Variants in BCL2L14 observed in about 807,000 individuals in gnomAD.
The protein encoded by BCL2L14 is apoptosis facilitator Bcl-2-like protein 14.
A neutral mutation model predicts 35.3 loss-of-function variants in BCL2L14; 27 were observed. The ratio of observed to expected loss-of-function variants is 0.76; its 90% CI spans 0.56 to 1.05. The LOEUF (loss-of-function observed/expected upper bound fraction) is 1.05, where lower values mean the gene tolerates loss of function less well. Among genes scored for constraint, BCL2L14 ranks in the 50% least tolerant of loss-of-function variants. The pLI is 0.00. For missense variants in BCL2L14, 377 were observed against 382.6 expected (o/e 0.99, Z 0.12); for synonymous variants, 139 against 145.9 (o/e 0.95, Z 0.34).
chr12:12,087,385 A>G lies in BCL2L14; in HGVS notation c.606A>G (p.Lys202=). Reference sequence around the variant, plus strand: ...TGCCTGTAGCTTCAAGTTCTAAGAAAGGTAAGCTTTCCTTCCCTGGGTGGA... The same window carrying G: ...TGCCTGTAGCTTCAAGTTCTAAGAAGGGTAAGCTTTCCTTCCCTGGGTGGA... ...GHVPVASSSK[K]DEEEQILAKI... The change falls in exon 3 of 6, where the codon AAA becomes AAG. Residue 202 remains lysine (K), a splice_region_variant and synonymous_variant. Transcript: ENST00000308721. 6.2e-7 allele frequency: 1 copy of G among 1,613,920 alleles called. No homozygotes were observed. The highest frequency in any genetic ancestry group is 8.5e-7 in the Non-Finnish European group (1 of 1,179,922).
intron 2 of BCL2L14, among the ~76,000 whole-genome samples, chr12:12,052,116 G>A (rs563821797): frequency 6.6e-6 from 1 of 152,078 alleles, no homozygotes; most frequent in South Asian, 2.1e-4. Flanking sequence ...TCATTAACAA[G>A]TAGTAATAAT....
chr12:12,073,721 T>G (rs1337354200), intron 1 of BCL2L14, among the ~76,000 whole-genome samples: 2 of 152,150 alleles, frequency 1.3e-5, no homozygotes, highest in African/African-American at 4.8e-5. Flanking sequence ...GCGCACAGCC[T>G]CCTACCCAAG....
chr12:12,070,839 T>C (rs565856635), upstream of BCL2L14: 11 of 152,256 alleles, frequency 7.2e-5, no homozygotes, highest in East Asian at 2.1e-3. Flanking sequence ...GGATATAGAA[T>C]TCCTTTTAGA....
Position 12,087,227 on chromosome 12 carries a change from G to T in BCL2L14, c.448G>T (p.Val150Phe). Residue 150 changes from valine (V) to phenylalanine (F), a missense_variant, in exon 3 of 6, where the codon GTC becomes TTC. By Grantham distance (50) the Val-to-Phe change is conservative (BLOSUM62 -1). Transcript: ENST00000308721. ...TCTTGTTTCAGCTGTGGACCCCAAAGTCATTTCCATTGCCAACCGAGTAGC... is the reference window on the plus strand; with the variant it reads ...TCTTGTTTCAGCTGTGGACCCCAAATTCATTTCCATTGCCAACCGAGTAGC... ...CLEHEAVDPK[V>F]ISIANRVAEI... is the part of the protein sequence containing the mutation. 6.2e-7 allele frequency: 1 copy of T among 1,614,172 alleles called. No individual in the cohort carries two copies. Among genetic ancestry groups the T allele is most frequent in the African/African-American group, 1.3e-5 (1 of 75,042 alleles).
At chr12:12,070,479 G>A (rs1279576977), upstream of BCL2L14, among the ~76,000 whole-genome samples, 2 of 152,134 alleles carry the variant, frequency 1.3e-5, no homozygotes, top group Non-Finnish European at 2.9e-5. Context: ...GAGGCCAGGA[G>A]TTCGAGACCA....
At chr12:12,070,864 G>A (rs562614012), upstream of BCL2L14, 1 of 152,096 alleles carries the variant, frequency 6.6e-6, no homozygotes, top group African/African-American at 2.4e-5. Flanking sequence ...AATTACACGG[G>A]CAAAGATCAG....
chr12:12,071,312 C>T (rs1320346006), intron 1 of BCL2L14, 175 bp downstream of exon 1: 1 of 152,130 alleles, frequency 6.6e-6, no homozygotes, highest in South Asian at 2.1e-4. Flanking sequence ...TCTAGTTTAG[C>T]GGGGTTTCCA....
intron 1 of BCL2L14, among the ~76,000 whole-genome samples, chr12:12,074,255 TGA>T (rs1213189419): frequency 2.0e-5 from 3 of 152,156 alleles, no homozygotes; most frequent in African/African-American, 7.2e-5. Context: ...ATCAGATATT[TGA>T]GCACCTACCA....
intron 2 of BCL2L14, among the ~76,000 whole-genome samples, chr12:12,062,647 AC>A (rs1288297916): frequency 6.6e-6 from 1 of 151,016 alleles, no homozygotes; most frequent in Non-Finnish European, 1.5e-5. Context: ...TAACTAAAAT[AC>A]CTCTTAGTCT....
intron 5 of BCL2L14, among the ~76,000 whole-genome samples, chr12:12,097,756 A>G (rs1447755432): frequency 1.3e-5 from 2 of 152,306 alleles, no homozygotes; most frequent in African/African-American, 2.4e-5. Context: ...AAATGAATGC[A>G]ATTATTTTTT....
chr12:12,051,699 C>G (rs1220194273), intron 1 of BCL2L14: 1 of 152,180 alleles, frequency 6.6e-6, no homozygotes, highest in Non-Finnish European at 1.5e-5. Flanking sequence ...TCTTAATACC[C>G]AATTCAATGA....
chr12:12,067,997 A>G (rs916753978), upstream of BCL2L14: 8 of 384,774 alleles, frequency 2.1e-5, no homozygotes, highest in African/African-American at 1.5e-4. Flanking sequence ...CAGTGGTGCC[A>G]TCATGGCTCA....
rs745802687 is a variant in BCL2L14 at position 12,079,565 on chromosome 12, G to A, written c.260G>A (p.Gly87Asp). The A allele has an allele frequency of 3.1e-6, 5 of 1,614,182 alleles. No homozygotes were observed. Among genetic ancestry groups the A allele is most frequent in the Non-Finnish European group, 3.4e-6 (4 of 1,180,036 alleles). Residue 87 changes from glycine to aspartate, a missense_variant, in exon 2 of 6, where the codon GGC (glycine) becomes GAC (aspartate). Physicochemically the swap from Gly to Asp is moderately conservative, Grantham distance 94. Coordinates refer to ENST00000308721, the MANE Select transcript of BCL2L14 (RefSeq NM_138723.2). ...TCCAGTGAGAAGGCCATAAACCTTG[G>A]CAAGAAAAAGTCTTCTTGGAAAGCA... ...SQSSEKAINL[G>D]KKKSSWKAFF...
At chr12:12,066,858 C>G (rs891972804), upstream of BCL2L14, among the ~76,000 whole-genome samples, 2 of 151,840 alleles carry the variant, frequency 1.3e-5, no homozygotes, top group Non-Finnish European at 1.5e-5. Flanking sequence ...CTACAGGCGC[C>G]CACCACCATG....
intron 1 of BCL2L14, among the ~76,000 whole-genome samples, chr12:12,073,713 G>A (rs888828283): frequency 5.3e-5 from 8 of 152,188 alleles, no homozygotes; most frequent in Admixed American, 2.0e-4. Flanking sequence ...TGACGAGGGC[G>A]CACAGCCTCC....
At chr12:12,064,962 C>T (rs188304007) in intron 2 of BCL2L14, among the ~76,000 whole-genome samples, 1 of 152,318 alleles carries the variant, frequency 6.6e-6, no homozygotes, top group African/African-American at 2.4e-5. Context: ...CACTTCAATC[C>T]TTCTATTATT....
At chr12:12,088,682 T>C (rs1261078255) in intron 3 of BCL2L14, among the ~76,000 whole-genome samples, 3 of 152,214 alleles carry the variant, frequency 2.0e-5, no homozygotes, top group Admixed American at 2.0e-4. Flanking sequence ...CATTTCTTTT[T>C]AACTCCTCTA....
At chr12:12,078,376 C>G (rs536867735) in intron 1 of BCL2L14, among the ~76,000 whole-genome samples, 28 of 150,694 alleles carry the variant, frequency 1.9e-4, no homozygotes, top group Middle Eastern at 3.4e-3. Flanking sequence ...TGGCCTCCCT[C>G]TTTTGCCACC....
chr12:12,064,195 G>C (rs933443276), intron 2 of BCL2L14, among the ~76,000 whole-genome samples: 9 of 152,234 alleles, frequency 5.9e-5, no homozygotes, highest in African/African-American at 2.4e-5. Context: ...GGAGTGCAGT[G>C]GTTTGATCAC....
Sources: gnomAD v4.1 joint callset for allele counts (sites outside exome capture counted in the v4.1 genomes callset) on GRCh38, gnomAD v4.1.1 for gene constraint, MANE v1.5 for transcripts, NCBI Gene and HGNC (gene_info 2026-07-23, HGNC 2026-07-21) for gene names.